The following KCNV2 variants were observed in gnomAD, a reference collection of about 807,000 sequenced individuals.
KCNV2 encodes potassium voltage-gated channel subfamily V member 2.
Under a neutral mutation model 37.0 loss-of-function variants are expected in KCNV2, and 65 were observed. The observed-to-expected ratio is 1.76, with a 90% CI of 1.44 to 2.16. The LOEUF (loss-of-function observed/expected upper bound fraction) is 2.16, where lower values mean the gene tolerates loss of function less well. Among genes scored for constraint, KCNV2 ranks in the 30% most tolerant of loss-of-function variants. The pLI is 0.00. For synonymous variants in KCNV2, 518 were observed against 328.6 expected (o/e 1.58, Z -6.23); for missense variants, 1,232 against 766.7 (o/e 1.61, Z -7.17).
Position 2,717,536 on chromosome 9 carries a change from A to G in KCNV2, c.-204A>G. The G allele has an allele frequency of 1.6e-6, 1 of 617,300 alleles. No individual in the cohort carries two copies. The highest frequency in any genetic ancestry group is 1.9e-5 in the South Asian group (1 of 51,980). 38.2% of individuals were successfully genotyped at this position (617,300 alleles called of 1,614,324 possible). A position where few individuals can be genotyped will look rare whatever the true frequency, so the allele number is the denominator to read the frequency against. ...GAGCAGTCAACAGCTGACTGCGTTC[A>G]GACCCTGCAGGCTGGGCTGGCCTGC... On this transcript the variant is annotated 5_prime_UTR_variant, in exon 1 of 2. Transcript: ENST00000382082.
chr9:2,722,750 G>A (rs904831218), intron 1 of KCNV2, among the ~76,000 whole-genome samples: 2 of 152,092 alleles, frequency 1.3e-5, no homozygotes, highest in Non-Finnish European at 2.9e-5. Context: ...CGTATACTCT[G>A]ATTTCAGCTA....
Position 2,729,789 on chromosome 9 carries a change from T to TA in KCNV2, c.*64dup. On this transcript the variant is annotated 3_prime_UTR_variant, in exon 2 of 2. Coordinates refer to ENST00000382082, the MANE Select transcript of KCNV2 (RefSeq NM_133497.4). Reference sequence around the variant, plus strand: ...CTTCAAGGCTTCATTGCTCTTTTTTTAATCATTATGATTGGCAGCAAAAGG... The same window carrying TA: ...CTTCAAGGCTTCATTGCTCTTTTTTTAAATCATTATGATTGGCAGCAAAAGG... 5 of 1,540,852 alleles carry TA rather than the reference T, an allele frequency of 3.2e-6. No individual in the cohort carries two copies. The South Asian group carries it at 5.6e-5, about 17-fold the overall frequency.
Position 2,729,702 on chromosome 9 carries a change from A to AG in KCNV2, c.1614dup (p.Leu539AlafsTer17). 1 of 1,614,144 alleles carries AG rather than the reference A, an allele frequency of 6.2e-7. No homozygotes were observed. Among genetic ancestry groups the AG allele is most frequent in the Non-Finnish European group, 8.5e-7 (1 of 1,179,996 alleles). ...GAGTGTTTGCTTGGAAGCAACCCAC[A>AG]GCTCACCCCAAGACAAGAGAATTAG... On this transcript the variant is annotated frameshift_variant, in exon 2 of 2. Transcript: ENST00000382082. LOFTEE classifies it high-confidence loss of function.
intron 1 of KCNV2, among the ~76,000 whole-genome samples, chr9:2,724,372 G>T (rs767751534): frequency 6.6e-6 from 1 of 152,112 alleles, no homozygotes; most frequent in Non-Finnish European, 1.5e-5. Context: ...TTAGGTTGCA[G>T]TCAGGAAAAT....
chr9:2,719,087 T>G lies in KCNV2; in HGVS notation c.1348T>G (p.Trp450Gly), dbSNP rs748180390. The G allele has an allele frequency of 2.5e-6, 4 of 1,609,612 alleles. No individual in the cohort carries two copies. In the East Asian group the frequency reaches 6.7e-5, roughly 27 times the overall value. The change falls in exon 1 of 2, where the codon TGG (tryptophan) becomes GGG (glycine). Residue 450 changes from tryptophan (W) to glycine (G), a missense_variant. Transcript: ENST00000382082. The part of the protein sequence containing the change: ...NFTTIPHSWW[W>G]AAVSISTVGY... The stretch of plus-strand genomic sequence containing the variant: ...CACTACCATCCCCCACTCCTGGTGG[T>G]GGGCCGCGGTGAGTACCTTTGCCCT...
intron 1 of KCNV2, among the ~76,000 whole-genome samples, chr9:2,723,522 T>C (rs1273614129): frequency 2.0e-5 from 3 of 152,190 alleles, no homozygotes; most frequent in African/African-American, 7.2e-5. Flanking sequence ...GGATGTAGGA[T>C]AGACCTGTCT....
At position 2,718,822 on chromosome 9, in the gene KCNV2, A is replaced by G. The variant is rs142744007; in HGVS notation, c.1083A>G (p.Gln361=). 9.4e-3 allele frequency: 15,206 copies of G among 1,609,906 alleles called. 90 individuals carry two copies. Among genetic ancestry groups the G allele is most frequent in the Middle Eastern group, 0.021 (126 of 6,062 alleles). ...LLECFTGEGH[Q]RGQTVGSVGK... ...AGTGCTTCACGGGCGAGGGCCACCA[A>G]CGCGGCCAGACGGTGGGCAGCGTGG... The change falls in exon 1 of 2, where the codon CAA becomes CAG. Residue 361 remains glutamine (Q), a synonymous_variant. Transcript: ENST00000382082.
chr9:2,722,768 C>G (rs1216949150), intron 1 of KCNV2, among the ~76,000 whole-genome samples: 1 of 152,098 alleles, frequency 6.6e-6, no homozygotes, highest in Non-Finnish European at 1.5e-5. Flanking sequence ...CTAGAAGGTT[C>G]TTCTCTTTCA....
chr9:2,718,582 C>G lies in KCNV2; in HGVS notation c.843C>G (p.Thr281=). The G allele has an allele frequency of 1.9e-6, 3 of 1,612,878 alleles. No homozygotes were observed. The highest frequency in any genetic ancestry group is 2.5e-6 in the Non-Finnish European group (3 of 1,179,756). Residue 281 remains threonine, a synonymous_variant, in exon 1 of 2, where the codon ACC becomes ACG. Coordinates refer to ENST00000382082, the MANE Select transcript of KCNV2 (RefSeq NM_133497.4). ...CCGTGGTGGCGCTGGCGCTCAACACCGTGGAGGAGATGCAGCAGCACTCGG... is the reference window on the plus strand; with the variant it reads ...CCGTGGTGGCGCTGGCGCTCAACACGGTGGAGGAGATGCAGCAGCACTCGG... ...LVSVVALALN[T]VEEMQQHSGQ... is the part of the protein sequence containing the mutation.
rs765891765 is a variant in KCNV2, at chr9:2,729,780, C to T, written c.*53C>T. 2 of 1,560,056 alleles carry T rather than the reference C, an allele frequency of 1.3e-6. No homozygotes were observed. Among genetic ancestry groups the T allele is most frequent in the Non-Finnish European group, 1.8e-6 (2 of 1,131,462 alleles). On this transcript the variant is annotated 3_prime_UTR_variant, in exon 2 of 2. Transcript: ENST00000382082. ...TTCCATGAACTTCAAGGCTTCATTG[C>T]TCTTTTTTTAATCATTATGATTGGC...
rs1289682071 is a variant in KCNV2, at chr9:2,717,790, C to A, written c.51C>A (p.Asn17Lys). ...RRRSWSYRPWNTTENEGSQHR... is the reference protein window; with the variant it reads ...RRRSWSYRPWKTTENEGSQHR... ...GGTCCTGGAGCTACAGGCCCTGGAA[C>A]ACGACGGAGAATGAGGGCAGCCAAC... The change falls in exon 1 of 2, where the codon AAC (asparagine) becomes AAA (lysine). Residue 17 changes from asparagine (N) to lysine (K), a missense_variant. Coordinates refer to ENST00000382082, the MANE Select transcript of KCNV2 (RefSeq NM_133497.4). 2 of 1,614,242 alleles carry A rather than the reference C, an allele frequency of 1.2e-6. No individual in the cohort carries two copies. The highest frequency in any genetic ancestry group is 2.2e-5 in the East Asian group (1 of 44,886).
At chr9:2,725,004 G>A (rs769032804) in intron 1 of KCNV2, among the ~76,000 whole-genome samples, 10 of 152,138 alleles carry the variant, frequency 6.6e-5, no homozygotes, top group Non-Finnish European at 1.0e-4. Flanking sequence ...TTTATCTTAT[G>A]GATTCCCAAT....
Position 2,726,052 on chromosome 9 carries a change from T to C in KCNV2, c.1357-3394T>C, listed in dbSNP as rs192104771. On this transcript the variant is annotated intron_variant, in intron 1 of 1. Transcript: ENST00000382082. ...GCCAGTTTTCTTCAGTATATTAAGA[T>C]GGATTGCGGAAATTTTGGTCACATT... Among the ~76,000 whole-genome samples the C allele has an allele frequency of 2.0e-4, 31 of 152,326 alleles. No homozygotes were observed. The East Asian group carries it at 6.0e-3, about 29-fold the overall frequency.
In KCNV2 at chr9:2,718,704, C is replaced by T. The variant is rs777405471; in HGVS notation, c.965C>T (p.Ala322Val). ...ACGCTCGAGTACCTGCTGCGCCTAG[C>T]CTCCACGCCCGACCTGAGGCGCTTC... ...FFTLEYLLRL[A>V]STPDLRRFAR... The change falls in exon 1 of 2, where the codon GCC (alanine) becomes GTC (valine). Residue 322 changes from alanine to valine, a missense_variant. Ala to Val is a moderately conservative substitution (Grantham distance 64). Coordinates refer to ENST00000382082, the MANE Select transcript of KCNV2 (RefSeq NM_133497.4). 22 of 1,613,168 alleles carry T rather than the reference C, an allele frequency of 1.4e-5. No individual in the cohort carries two copies. In the South Asian group the frequency reaches 2.0e-4, roughly 14 times the overall value.
In KCNV2 at chr9:2,729,782, C is replaced by T; in HGVS notation, c.*55C>T. 2 of 1,556,012 alleles carry T rather than the reference C, an allele frequency of 1.3e-6. No individual in the cohort carries two copies. The highest frequency in any genetic ancestry group is 1.8e-6 in the Non-Finnish European group (2 of 1,127,960). ...CCATGAACTTCAAGGCTTCATTGCTCTTTTTTTAATCATTATGATTGGCAG... is the reference window on the plus strand; with the variant it reads ...CCATGAACTTCAAGGCTTCATTGCTTTTTTTTTAATCATTATGATTGGCAG... On this transcript the variant is annotated 3_prime_UTR_variant, in exon 2 of 2. Coordinates refer to ENST00000382082, the MANE Select transcript of KCNV2 (RefSeq NM_133497.4).
chr9:2,727,097 C>T (rs1382869122), intron 1 of KCNV2, among the ~76,000 whole-genome samples: 1 of 152,130 alleles, frequency 6.6e-6, no homozygotes, highest in East Asian at 1.9e-4. Context: ...AGGCCTCCTC[C>T]AGGGAAGGTT....
Position 2,729,902 on chromosome 9 carries a change from T to G in KCNV2, c.*175T>G. ...CATTTTGGCCCAAACTCAGAATGTC[T>G]CATAGTTGCTCTGTGTTGTGTGAAA... On this transcript the variant is annotated 3_prime_UTR_variant, in exon 2 of 2. Coordinates refer to ENST00000382082, the MANE Select transcript of KCNV2 (RefSeq NM_133497.4). 1 of 664,416 alleles carries G rather than the reference T, an allele frequency of 1.5e-6. No homozygotes were observed. The highest frequency in any genetic ancestry group is 2.7e-5 in the East Asian group (1 of 36,650). 41.2% of individuals were successfully genotyped at this position (664,416 alleles called of 1,614,324 possible). A position where few individuals can be genotyped will look rare whatever the true frequency, so the allele number is the denominator to read the frequency against.
Position 2,718,199 on chromosome 9 carries a change from G to A in KCNV2, c.460G>A (p.Asp154Asn), listed in dbSNP as rs769400306. The A allele has an allele frequency of 6.2e-7, 1 of 1,613,420 alleles. No homozygotes were observed. The highest frequency in any genetic ancestry group is 8.5e-7 in the Non-Finnish European group (1 of 1,179,910). ...EQTDEYFFDR[D>N]PAVFQLVYNF... ...GACAGACGAATACTTCTTCGACCGC[G>A]ACCCGGCCGTCTTCCAGCTGGTCTA... The change falls in exon 1 of 2, where the codon GAC becomes AAC. Residue 154 changes from aspartate (D) to asparagine (N), a missense_variant. By Grantham distance (23) the Asp-to-Asn change is conservative. Transcript: ENST00000382082.
intron 1 of KCNV2, among the ~76,000 whole-genome samples, chr9:2,722,296 T>TATTTACAAATTAGAAGTTATTTATAA (rs1563797869): frequency 8.2e-6 from 1 of 122,070 alleles, no homozygotes; most frequent in Non-Finnish European, 1.6e-5. Context: ...AGAAGTTATT[T>TATTTACAAATTAGAAGTTATTTATAA]ATAAATTAGA....
Sources: allele counts gnomAD v4.1 joint callset (sites outside exome capture counted in the v4.1 genomes callset), GRCh38; gene constraint gnomAD v4.1.1; transcripts MANE v1.5; gene names NCBI Gene and HGNC (gene_info 2026-07-23, HGNC 2026-07-21).